CTNND2: variants seen among roughly 807,000 people sequenced by gnomAD.
The protein encoded by CTNND2 is catenin delta 2.
CTNND2 carries 22 observed loss-of-function variants against 144.4 expected under a neutral mutation model. The observed-to-expected ratio is 0.15, with a 90% CI of 0.11 to 0.22. CTNND2 has a LOEUF of 0.22. Among genes scored for constraint, CTNND2 ranks in the 10% least tolerant of loss-of-function variants. CTNND2 has a pLI of 1.00. For synonymous variants in CTNND2, 751 were observed against 695.6 expected (o/e 1.08, Z -1.25); for missense variants, 1,353 against 1,618.8 (o/e 0.84, Z 2.82).
intron 2 of CTNND2, among the ~76,000 whole-genome samples, chr5:11,677,519 C>T (rs575791999): frequency 3.8e-4 from 58 of 152,174 alleles, no homozygotes; most frequent in African/African-American, 1.3e-3. Flanking sequence ...ACTACTATAG[C>T]GATTATGATT....
intron 1 of CTNND2, among the ~76,000 whole-genome samples, chr5:11,763,744 T>C (rs1307352238): frequency 2.0e-5 from 3 of 152,142 alleles, no homozygotes; most frequent in Non-Finnish European, 4.4e-5. Context: ...CAAAAATGGA[T>C]GATATGAGCT....
chr5:11,747,993 T>C (rs894786938), intron 1 of CTNND2, among the ~76,000 whole-genome samples: 4 of 152,134 alleles, frequency 2.6e-5, no homozygotes, highest in African/African-American at 9.7e-5. Flanking sequence ...TTGCTATCAA[T>C]GGGCAGTCAA....
Position 11,267,551 on chromosome 5 carries a change from G to T in CTNND2, c.1629-30728C>A, listed in dbSNP as rs968815041. Among the ~76,000 whole-genome samples the T allele has an allele frequency of 1.1e-4, 16 of 152,240 alleles. 1 individual carries two copies. Among genetic ancestry groups the T allele is most frequent in the Admixed American group, 5.9e-4 (9 of 15,296 alleles). ...ACCTAAGCAACTGGTTGTCTTTTCT[G>T]CAACTCCCTTGTGTGGGGGCCTGTT... On this transcript the variant is annotated intron_variant, in intron 9 of 21. Transcript: ENST00000304623.
intron 1 of CTNND2, among the ~76,000 whole-genome samples, chr5:11,858,619 T>A (rs1263490263): frequency 6.6e-6 from 1 of 152,158 alleles, no homozygotes; most frequent in Non-Finnish European, 1.5e-5. Flanking sequence ...AATCAAATAA[T>A]AAAACAACAA....
At chr5:11,028,948 A>T (rs1743161386) in intron 16 of CTNND2, among the ~76,000 whole-genome samples, 1 of 152,182 alleles carries the variant, frequency 6.6e-6, no homozygotes, top group South Asian at 2.1e-4. Flanking sequence ...GCCTCAAGTG[A>T]TCTGCCCACC....
intron 7 of CTNND2, among the ~76,000 whole-genome samples, chr5:11,371,258 A>G (rs192356630): frequency 3.1e-4 from 47 of 152,344 alleles, no homozygotes; most frequent in African/African-American, 1.1e-3. Flanking sequence ...GTTTGGCTTG[A>G]TACCTGTTAT....
intron 9 of CTNND2, among the ~76,000 whole-genome samples, chr5:11,313,757 T>A (rs1264438764): frequency 1.3e-5 from 2 of 152,152 alleles, no homozygotes; most frequent in African/African-American, 4.8e-5. Flanking sequence ...CTGGGTAATT[T>A]ATAAAGAAAA....
chr5:11,240,203 AC>A (rs1742097538), intron 9 of CTNND2, among the ~76,000 whole-genome samples: 1 of 113,362 alleles, frequency 8.8e-6, no homozygotes. Flanking sequence ...ACACACACAC[AC>A]ACCCCCAACA....
chr5:11,514,496 C>G (rs986978128), intron 3 of CTNND2, among the ~76,000 whole-genome samples: 3 of 152,138 alleles, frequency 2.0e-5, no homozygotes, highest in Non-Finnish European at 4.4e-5. Context: ...ATTTAAAAAT[C>G]ATTTTCTGTA....
chr5:11,601,622 A>G lies in CTNND2; in HGVS notation c.175-36566T>C, dbSNP rs573787974. Among the ~76,000 whole-genome samples, 3 of 152,270 alleles carry G rather than the reference A, an allele frequency of 2.0e-5. No homozygotes were observed. The South Asian group carries it at 6.2e-4, about 32-fold the overall frequency. ...TTTTAATAACATATTTTTCTAAATG[A>G]GAATATGTCATAATAATACATAAAT... On this transcript the variant is annotated intron_variant, in intron 2 of 21. Transcript: ENST00000304623.
chr5:11,315,075 TTTAAATTAAG>T (rs201685146), intron 9 of CTNND2, among the ~76,000 whole-genome samples: 2,459 of 152,310 alleles, frequency 0.016, 26 homozygotes, highest in Non-Finnish European at 0.023. Context: ...TCCCAGTTTT[TTTAAATTAAG>T]CTATGCTAGC....
intron 9 of CTNND2, among the ~76,000 whole-genome samples, chr5:11,278,670 C>T (rs1746807747): frequency 6.6e-6 from 1 of 152,124 alleles, no homozygotes. Context: ...TCAGGATACA[C>T]ATATGTGTGC....
At chr5:11,513,887 A>G (rs1561498536) in intron 3 of CTNND2, among the ~76,000 whole-genome samples, 2 of 152,216 alleles carry the variant, frequency 1.3e-5, no homozygotes, top group African/African-American at 2.4e-5. Context: ...GGAAGTATAT[A>G]TAAGTATCAA....
At chr5:11,378,640 A>G (rs775003151) in intron 7 of CTNND2, among the ~76,000 whole-genome samples, 1 of 152,232 alleles carries the variant, frequency 6.6e-6, no homozygotes, top group Non-Finnish European at 1.5e-5. Context: ...TGAAAGGAGC[A>G]GCAGGAGCCA....
intron 9 of CTNND2, among the ~76,000 whole-genome samples, chr5:11,336,967 A>C (rs906912107): frequency 2.6e-5 from 4 of 152,088 alleles, no homozygotes; most frequent in African/African-American, 4.8e-5. Context: ...TTGTCACCTG[A>C]ATTTTTTTGG....
At chr5:11,427,737 T>C (rs1312188037) in intron 3 of CTNND2, among the ~76,000 whole-genome samples, 3 of 152,168 alleles carry the variant, frequency 2.0e-5, no homozygotes, top group African/African-American at 7.2e-5. Context: ...AATCCTCTCC[T>C]GCCTCTCCCA....
chr5:11,803,340 ATGCACAAGAG>A (rs1368207734), intron 1 of CTNND2, among the ~76,000 whole-genome samples: 1 of 144,172 alleles, frequency 6.9e-6, no homozygotes, highest in Admixed American at 7.0e-5. Flanking sequence ...AAAAAAAAAT[ATGCACAAGAG>A]TGCACAAGAG....
intron 1 of CTNND2, among the ~76,000 whole-genome samples, chr5:11,847,833 A>C (rs547394322): frequency 6.6e-6 from 1 of 152,256 alleles, no homozygotes; most frequent in African/African-American, 2.4e-5. Context: ...TAGATACTGA[A>C]ATTTTTAAAT....
At chr5:11,475,275 A>G (rs973951791) in intron 3 of CTNND2, among the ~76,000 whole-genome samples, 1 of 152,228 alleles carries the variant, frequency 6.6e-6, no homozygotes, top group Non-Finnish European at 1.5e-5. Context: ...TTGGTCAAGT[A>G]GCCAGGTTGC....
Sources: allele counts gnomAD v4.1 joint callset (sites outside exome capture counted in the v4.1 genomes callset), GRCh38; gene constraint gnomAD v4.1.1; transcripts MANE v1.5; gene names NCBI Gene and HGNC (gene_info 2026-07-23, HGNC 2026-07-21).